CACNA2D3: variants seen among roughly 807,000 people sequenced by gnomAD.
CACNA2D3 encodes the protein calcium voltage-gated channel auxiliary subunit alpha2delta 3.
Under a neutral mutation model 160.6 loss-of-function variants are expected in CACNA2D3, and 60 were observed. The observed-to-expected ratio is 0.37, with a 90% CI of 0.30 to 0.46. The LOEUF is 0.46. Among genes scored for constraint, CACNA2D3 ranks in the 20% least tolerant of loss-of-function variants. CACNA2D3 has a pLI of 1.00. For missense variants in CACNA2D3, 1,205 were observed against 1,365.0 expected (o/e 0.88, Z 1.85); for synonymous variants, 558 against 492.9 (o/e 1.13, Z -1.75).
intron 27 of CACNA2D3, among the ~76,000 whole-genome samples, chr3:54,922,163 G>A (rs1264759717): frequency 2.0e-5 from 3 of 152,118 alleles, no homozygotes; most frequent in Admixed American, 1.3e-4. Flanking sequence ...GGAATGGGCC[G>A]TAGGAACTCC....
intron 27 of CACNA2D3, among the ~76,000 whole-genome samples, chr3:54,910,076 C>T (rs907803864): frequency 2.0e-5 from 3 of 152,174 alleles, no homozygotes; most frequent in Admixed American, 2.0e-4. Context: ...GGGTTCTCTT[C>T]TGGGTGAGAA....
chr3:54,987,830 G>T, intron 31 of CACNA2D3, 77 bp downstream of exon 31: 1 of 1,088,636 alleles, frequency 9.2e-7, no homozygotes, highest in Non-Finnish European at 1.3e-6. Context: ...GTCAAATAAA[G>T]CAAGCCCAGA....
At chr3:55,017,391 A>G (rs1236291336) in intron 34 of CACNA2D3, among the ~76,000 whole-genome samples, 2 of 152,186 alleles carry the variant, frequency 1.3e-5, no homozygotes, top group Non-Finnish European at 2.9e-5. Context: ...TATAATGTCA[A>G]AATGGCTTCA....
intron 35 of CACNA2D3, among the ~76,000 whole-genome samples, chr3:55,021,241 A>G (rs541674206): frequency 6.6e-6 from 1 of 152,136 alleles, no homozygotes; most frequent in African/African-American, 2.4e-5. Context: ...TGGTGATTAT[A>G]TTTCTTAGAA....
intron 27 of CACNA2D3, among the ~76,000 whole-genome samples, chr3:54,928,449 A>G (rs561800361): frequency 9.2e-4 from 140 of 152,290 alleles, no homozygotes; most frequent in African/African-American, 3.3e-3. Context: ...CTGGGGGTCG[A>G]GCAGCAGAGC....
intron 14 of CACNA2D3, among the ~76,000 whole-genome samples, chr3:54,822,779 TTTCTTTCTTTCCTTTCTTTCTTTCTTTC>T (rs1703647560): frequency 1.1e-5 from 1 of 87,954 alleles, no homozygotes; most frequent in Admixed American, 1.3e-4. Flanking sequence ...TCTTTCTTTC[TTTCTTTCTTTCCTTTCTTTCTTTCTTTC>T]TTTCTTTCTT....
chr3:54,148,817 A>T (rs1700086632), intron 2 of CACNA2D3, among the ~76,000 whole-genome samples: 1 of 151,850 alleles, frequency 6.6e-6, no homozygotes, highest in Non-Finnish European at 1.5e-5. Flanking sequence ...TCTCTACTAA[A>T]AATACAAAAA....
intron 27 of CACNA2D3, among the ~76,000 whole-genome samples, chr3:54,962,432 T>A (rs908104233): frequency 6.6e-6 from 1 of 152,168 alleles, no homozygotes; most frequent in African/African-American, 2.4e-5. Flanking sequence ...ATATTAGCCA[T>A]GAAACATAAG....
intron 29 of CACNA2D3, among the ~76,000 whole-genome samples, chr3:54,982,279 ACT>A (rs1046222675): frequency 6.6e-6 from 1 of 152,036 alleles, no homozygotes; most frequent in African/African-American, 2.4e-5. Flanking sequence ...CCTAGGAATG[ACT>A]CTAACCTTCC....
At chr3:54,162,475 A>G (rs1477851892) in intron 2 of CACNA2D3, among the ~76,000 whole-genome samples, 3 of 152,294 alleles carry the variant, frequency 2.0e-5, no homozygotes, top group East Asian at 1.9e-4. Context: ...GGGCTTCCTC[A>G]TAATGTGACA....
At chr3:55,021,715 G>GTA (rs369889600) in intron 35 of CACNA2D3, among the ~76,000 whole-genome samples, 4,428 of 141,322 alleles carry the variant, frequency 0.031, 80 homozygotes, top group Non-Finnish European at 0.044. Flanking sequence ...ATATGTGTGT[G>GTA]TATATATATA....
chr3:54,296,523 C>T (rs183627186), intron 2 of CACNA2D3, among the ~76,000 whole-genome samples: 42 of 152,282 alleles, frequency 2.8e-4, no homozygotes, highest in Middle Eastern at 6.8e-3. Flanking sequence ...ATCAAAACAG[C>T]ATTTAAGTGA....
intron 4 of CACNA2D3, among the ~76,000 whole-genome samples, chr3:54,410,671 A>G (rs956930969): frequency 2.0e-5 from 3 of 150,272 alleles, no homozygotes; most frequent in Non-Finnish European, 4.5e-5. Flanking sequence ...CTCATTGACA[A>G]CTCACATGGC....
rs976947309 is a variant in CACNA2D3 at position 54,324,137 on chromosome 3, CT to C, written c.321+3580del. Among the ~76,000 whole-genome samples the C allele has an allele frequency of 4.1e-4, 63 of 152,250 alleles. 1 individual carries two copies. Among genetic ancestry groups the C allele is most frequent in the Admixed American group, 4.0e-3 (61 of 15,300 alleles). ...GAAAAAAATGGAGTACTACAATAAC[CT>C]CGTCCTTTAATGTAGCCTGTCATCT... On this transcript the variant is annotated intron_variant, in intron 3 of 37. Coordinates refer to ENST00000474759, the MANE Select transcript of CACNA2D3 (RefSeq NM_018398.3).
intron 5 of CACNA2D3, among the ~76,000 whole-genome samples, chr3:54,536,541 G>A (rs1464423294): frequency 6.6e-6 from 1 of 152,208 alleles, no homozygotes; most frequent in Non-Finnish European, 1.5e-5. Flanking sequence ...CCCAGTAATG[G>A]GCAAATGTGT....
At chr3:54,832,021 A>AG (rs201856158) in intron 14 of CACNA2D3, among the ~76,000 whole-genome samples, 53 of 135,324 alleles carry the variant, frequency 3.9e-4, no homozygotes, top group African/African-American at 1.6e-3. Flanking sequence ...TCACACACAC[A>AG]CACACACACA....
intron 2 of CACNA2D3, among the ~76,000 whole-genome samples, chr3:54,141,846 A>G (rs931616607): frequency 6.6e-6 from 1 of 152,234 alleles, no homozygotes; most frequent in Non-Finnish European, 1.5e-5. Context: ...CGTTTATTCA[A>G]CAAACATTTT....
At position 54,201,455 on chromosome 3, in the gene CACNA2D3, A is replaced by G. The variant is rs577866353; in HGVS notation, c.204+77861A>G. On this transcript the variant is annotated intron_variant, in intron 2 of 37. Coordinates refer to ENST00000474759, the MANE Select transcript of CACNA2D3 (RefSeq NM_018398.3). ...TAACTCAAGAATTATTGATTGATGG[A>G]AAGAACATTTCACGTAGACTCCAAC... is the stretch of plus-strand genomic sequence containing the variant. 9.2e-4 allele frequency among the ~76,000 whole-genome samples: 140 copies of G among 152,348 alleles called. 1 individual carries two copies. The highest frequency in any genetic ancestry group is 3.2e-3 in the African/African-American group (135 of 41,582).
At chr3:54,736,655 T>C (rs1008985669) in intron 11 of CACNA2D3, among the ~76,000 whole-genome samples, 1 of 152,258 alleles carries the variant, frequency 6.6e-6, no homozygotes, top group Admixed American at 6.5e-5. Flanking sequence ...AAAAGTGAGC[T>C]TGAACATCTT....
Sources: gnomAD v4.1 joint callset for allele counts (sites outside exome capture counted in the v4.1 genomes callset) on GRCh38, gnomAD v4.1.1 for gene constraint, MANE v1.5 for transcripts, NCBI Gene and HGNC (gene_info 2026-07-23, HGNC 2026-07-21) for gene names.